ADAMTS19: variants seen among roughly 807,000 people sequenced by gnomAD.
The protein encoded by ADAMTS19 is ADAM metallopeptidase with thrombospondin type 1 motif 19, also known as A disintegrin and metalloproteinase with thrombospondin motifs 19.
Under a neutral mutation model 153.3 loss-of-function variants are expected in ADAMTS19, and 93 were observed. The ratio of observed to expected loss-of-function variants is 0.61; its 90% CI spans 0.51 to 0.72. The LOEUF (loss-of-function observed/expected upper bound fraction) is 0.72. Among genes scored for constraint, ADAMTS19 ranks in the 30% least tolerant of loss-of-function variants. The pLI, the probability that ADAMTS19 is intolerant of heterozygous loss-of-function variation, is 0.00. For synonymous variants in ADAMTS19, 600 were observed against 556.6 expected (o/e 1.08, Z -1.10); for missense variants, 1,482 against 1,552.1 (o/e 0.95, Z 0.76).
chr5:129,589,054 A>G (rs576506472), intron 7 of ADAMTS19, among the ~76,000 whole-genome samples: 19 of 152,084 alleles, frequency 1.2e-4, no homozygotes, highest in South Asian at 4.1e-4. Context: ...ATATTAACAT[A>G]GTCTAAAATT....
chr5:129,503,650 C>A (rs1751177670), intron 2 of ADAMTS19, among the ~76,000 whole-genome samples: 1 of 151,966 alleles, frequency 6.6e-6, no homozygotes, highest in Non-Finnish European at 1.5e-5. Flanking sequence ...ACCAGCCTGG[C>A]CAACATGGAG....
intron 2 of ADAMTS19, among the ~76,000 whole-genome samples, chr5:129,480,865 T>C (rs946605000): frequency 2.0e-5 from 3 of 152,216 alleles, no homozygotes; most frequent in African/African-American, 7.2e-5. Flanking sequence ...TTTTATTCTA[T>C]TTGTATGAGA....
At chr5:129,519,472 A>T (rs1751719343) in intron 3 of ADAMTS19, among the ~76,000 whole-genome samples, 1 of 151,992 alleles carries the variant, frequency 6.6e-6, no homozygotes, top group Non-Finnish European at 1.5e-5. Context: ...TCCCTTGGCC[A>T]TCCTAGCTGG....
rs979578417 is a variant in ADAMTS19, at chr5:129,648,861, A to C, written c.2067A>C (p.Pro689=). The C allele has an allele frequency of 1.9e-6, 3 of 1,613,794 alleles. No homozygotes were observed. The African/African-American group carries it at 4.0e-5, about 22-fold the overall frequency. The part of the protein sequence containing the change: ...PRKQYRICEN[P]PCPAGLPGFR... ...AACAATACAGAATATGTGAGAATCC[A>C]CCTTGTCCTGCAGGTTTGCCTGGAT... Residue 689 remains proline (P), a synonymous_variant, in exon 13 of 23, where the codon CCA becomes CCC. Transcript: ENST00000274487.
chr5:129,584,975 C>G (rs1455228014), intron 7 of ADAMTS19, among the ~76,000 whole-genome samples: 1 of 152,196 alleles, frequency 6.6e-6, no homozygotes, highest in African/African-American at 2.4e-5. Context: ...AGTTAGGTGT[C>G]TGCCCAAATG....
intron 7 of ADAMTS19, among the ~76,000 whole-genome samples, chr5:129,595,508 A>G (rs1055760400): frequency 6.6e-6 from 1 of 152,122 alleles, no homozygotes; most frequent in Non-Finnish European, 1.5e-5. Flanking sequence ...GAAAAAAGTC[A>G]CAAGCAGTCA....
At chr5:129,677,311 A>T (rs573197373) in intron 16 of ADAMTS19, among the ~76,000 whole-genome samples, 2 of 152,066 alleles carry the variant, frequency 1.3e-5, no homozygotes, top group African/African-American at 4.8e-5. Flanking sequence ...CGCTGTTTCT[A>T]CTAAAAATAC....
chr5:129,622,116 A>T, intron 9 of ADAMTS19, 82 bp from the exon 10 acceptor site: 1 of 1,369,696 alleles, frequency 7.3e-7, no homozygotes, highest in East Asian at 2.3e-5. Flanking sequence ...ATATTATTAA[A>T]GTGTTTCTTG....
chr5:129,690,650 C>T (rs1456616727), intron 18 of ADAMTS19, among the ~76,000 whole-genome samples: 4 of 151,890 alleles, frequency 2.6e-5, no homozygotes, highest in East Asian at 1.9e-4. Flanking sequence ...TTTTGAAAGT[C>T]GTTTAAGTTA....
Position 129,600,331 on chromosome 5 carries a change from C to CT in ADAMTS19, c.1478+3675dup, listed in dbSNP as rs781759425. Among the ~76,000 whole-genome samples, 416 of 151,688 alleles carry CT rather than the reference C, an allele frequency of 2.7e-3. 1 individual carries two copies. The highest frequency in any genetic ancestry group is 3.5e-3 in the African/African-American group (146 of 41,416). On this transcript the variant is annotated intron_variant, in intron 8 of 22. Transcript: ENST00000274487. Reference sequence around the variant, plus strand: ...TTTTTCGTTTTGGATTTCCTTCTTTCTTTTTTTTGCGTTAAATTTTATAAG... The same window carrying CT: ...TTTTTCGTTTTGGATTTCCTTCTTTCTTTTTTTTTGCGTTAAATTTTATAAG...
intron 6 of ADAMTS19, among the ~76,000 whole-genome samples, chr5:129,530,171 A>C (rs10478885): frequency 0.21 from 32,230 of 152,082 alleles, 4,507 homozygotes; most frequent in African/African-American, 0.39. Context: ...TCCAGAGTAT[A>C]ATAAAAATTA....
intron 8 of ADAMTS19, among the ~76,000 whole-genome samples, chr5:129,604,536 A>G (rs1750802902): frequency 6.6e-6 from 1 of 152,184 alleles, no homozygotes; most frequent in South Asian, 2.1e-4. Context: ...TTTGCTTATA[A>G]TGGGATTCTT....
chr5:129,672,297 G>T (rs146908155), intron 16 of ADAMTS19, among the ~76,000 whole-genome samples: 30 of 152,188 alleles, frequency 2.0e-4, no homozygotes, highest in African/African-American at 7.2e-4. Flanking sequence ...AGGGGGTAGG[G>T]TTTTAACATG....
At chr5:129,678,147 C>A (rs958969325) in intron 16 of ADAMTS19, among the ~76,000 whole-genome samples, 6 of 152,086 alleles carry the variant, frequency 3.9e-5, no homozygotes, top group African/African-American at 1.4e-4. Context: ...CAAATACTAA[C>A]AAGGCCTCTC....
In ADAMTS19 at chr5:129,515,323, C is replaced by A. The variant is rs539992219; in HGVS notation, c.913+6081C>A. On this transcript the variant is annotated intron_variant, in intron 3 of 22. Transcript: ENST00000274487. ...TTAGGACTGTTTTTTTTTTCTAATT[C>A]TGTGAAGAATGTCATTGGTGTTTTG... Among the ~76,000 whole-genome samples, 11 of 150,728 alleles carry A rather than the reference C, an allele frequency of 7.3e-5. No homozygotes were observed. In the South Asian group the frequency reaches 1.7e-3, roughly 23 times the overall value.
intron 2 of ADAMTS19, among the ~76,000 whole-genome samples, chr5:129,476,142 G>A (rs925333933): frequency 6.3e-4 from 95 of 151,648 alleles, no homozygotes; most frequent in Admixed American, 6.0e-3. Flanking sequence ...CTTTTTCATA[G>A]CAGTAGGCCT....
At chr5:129,504,114 T>C (rs1369600081) in intron 2 of ADAMTS19, among the ~76,000 whole-genome samples, 1 of 152,176 alleles carries the variant, frequency 6.6e-6, no homozygotes, top group Non-Finnish European at 1.5e-5. Flanking sequence ...GTTTATTTTA[T>C]TTTCTGGCTA....
chr5:129,722,316 C>T (rs1001277360), intron 21 of ADAMTS19, among the ~76,000 whole-genome samples: 18 of 152,272 alleles, frequency 1.2e-4, no homozygotes, highest in Admixed American at 1.1e-3. Context: ...GATGGTATCT[C>T]ACTGTGGTTT....
intron 2 of ADAMTS19, among the ~76,000 whole-genome samples, chr5:129,486,038 G>T (rs1750580733): frequency 6.6e-6 from 1 of 151,992 alleles, no homozygotes; most frequent in Non-Finnish European, 1.5e-5. Flanking sequence ...TGATCTGCTC[G>T]CCTCACCCTC....
Sources: allele counts gnomAD v4.1 joint callset (sites outside exome capture counted in the v4.1 genomes callset), GRCh38; gene constraint gnomAD v4.1.1; transcripts MANE v1.5; gene names NCBI Gene and HGNC (gene_info 2026-07-23, HGNC 2026-07-21).